Variants in HUWE1 observed in about 807,000 individuals in gnomAD.
HUWE1 encodes the protein E3 ubiquitin-protein ligase HUWE1.
A neutral mutation model predicts 299.4 loss-of-function variants in HUWE1; 18 were observed. The observed-to-expected ratio is 0.06, with a 90% CI of 0.04 to 0.09. The LOEUF is 0.09. HUWE1 is among the 10% of genes least tolerant of loss of function. The pLI, the probability that HUWE1 is intolerant of heterozygous loss-of-function variation, is 1.00. For missense variants in HUWE1, 1,832 were observed against 3,462.3 expected (o/e 0.53, Z 11.82); for synonymous variants, 1,317 against 1,286.1 (o/e 1.02, Z -0.51).
At chrX:53,539,457 A>T (rs1405729472) in intron 75 of HUWE1, among the ~76,000 whole-genome samples, 200 bp downstream of exon 75, 4 of 111,936 alleles carry the variant, frequency 3.6e-5, no homozygotes, top group Non-Finnish European at 7.5e-5. Context: ...CCTTGTCTAT[A>T]AAGTGAAAGA....
intron 18 of HUWE1, among the ~76,000 whole-genome samples, chrX:53,624,892 T>G (rs781914692): frequency 9.0e-6 from 1 of 111,589 alleles, no homozygotes; most frequent in Admixed American, 9.5e-5. Context: ...CACAAACACT[T>G]AAGAGTCAGA....
chrX:53,590,520 C>G (rs2064098332), intron 34 of HUWE1, 21 bp from the exon 35 acceptor site: 5 of 1,096,601 alleles, frequency 4.6e-6, no homozygotes, highest in South Asian at 1.8e-5. Flanking sequence ...AAGAGAATAT[C>G]CAGTAAGGAT....
chrX:53,567,120 G>T (rs897796569), intron 49 of HUWE1, among the ~76,000 whole-genome samples: 1 of 111,775 alleles, frequency 8.9e-6, no homozygotes, highest in Non-Finnish European at 1.9e-5. Flanking sequence ...AGGAATATTT[G>T]TTCTTAGGAG....
intron 2 of HUWE1, among the ~76,000 whole-genome samples, chrX:53,681,438 A>AG (rs1557053357): frequency 9.1e-6 from 1 of 110,198 alleles, no homozygotes; most frequent in East Asian, 2.8e-4. Flanking sequence ...CTTAAAAAAA[A>AG]AAAAAAAAAA....
rs782469289 is a variant in HUWE1, at chrX:53,652,356, A to G, written c.45+1707T>C. Among the ~76,000 whole-genome samples the G allele has an allele frequency of 3.6e-5, 4 of 112,056 alleles. No homozygotes were observed. The South Asian group carries it at 1.5e-3, about 41-fold the overall frequency. ...TGGTTTATCTAAAATTTATCGCAAT[A>G]TAATAGTCCCACATGCTCTACAAGA... On this transcript the variant is annotated intron_variant, in intron 4 of 83. Transcript: ENST00000262854.
intron 27 of HUWE1, among the ~76,000 whole-genome samples, 186 bp from the exon 28 acceptor site, chrX:53,602,844 T>C (rs1206989428): frequency 3.8e-5 from 4 of 104,517 alleles, no homozygotes; most frequent in Non-Finnish European, 7.8e-5. Context: ...TTTCCAATTC[T>C]TTTTTTTTTC....
chrX:53,578,245 C>T lies in HUWE1; in HGVS notation c.5717-1178G>A, dbSNP rs2063292747. Among the ~76,000 whole-genome samples the T allele has an allele frequency of 2.7e-5, 3 of 109,524 alleles. No individual in the cohort carries two copies. In the Admixed American group the frequency reaches 2.8e-4, roughly 10 times the overall value. The stretch of plus-strand genomic sequence containing the variant: ...TCTGGGAGGTGAGGAGCGTCTCTGC[C>T]CGGCCGCCGCCCCGTCTGAGAAGTG... On this transcript the variant is annotated intron_variant, in intron 43 of 83. Transcript: ENST00000262854.
At chrX:53,580,248 A>C (rs1457226867) in intron 43 of HUWE1, among the ~76,000 whole-genome samples, 1 of 111,994 alleles carries the variant, frequency 8.9e-6, no homozygotes, top group Non-Finnish European at 1.9e-5. Flanking sequence ...AAATTTCTCC[A>C]AATCTTTTAT....
At chrX:53,582,142 A>G (rs2063650434) in intron 42 of HUWE1, among the ~76,000 whole-genome samples, 1 of 112,174 alleles carries the variant, frequency 8.9e-6, no homozygotes, top group African/African-American at 3.2e-5. Context: ...CCACACCCCA[A>G]CTATAATTTA....
At chrX:53,612,690 T>TA (rs2065555361) in intron 23 of HUWE1, among the ~76,000 whole-genome samples, 1 of 111,238 alleles carries the variant, frequency 9.0e-6, no homozygotes, top group East Asian at 2.8e-4. Flanking sequence ...CATTTGGAGG[T>TA]AAAAAACCAA....
At chrX:53,595,462 C>T (rs2064405243) in intron 29 of HUWE1, 59 bp from the exon 30 acceptor site, 2 of 889,123 alleles carry the variant, frequency 2.2e-6, no homozygotes, top group African/African-American at 2.0e-5. Context: ...TTAATTACAA[C>T]AGACATATTA....
chrX:53,587,473 T>A (rs917115950), intron 37 of HUWE1, among the ~76,000 whole-genome samples: 1 of 112,346 alleles, frequency 8.9e-6, no homozygotes, highest in Non-Finnish European at 1.9e-5. Flanking sequence ...ATAGTCATAA[T>A]ACTTAACAAA....
intron 56 of HUWE1, 92 bp downstream of exon 56, chrX:53,560,096 T>C (rs1302053419): frequency 4.1e-6 from 3 of 725,151 alleles, no homozygotes; most frequent in Non-Finnish European, 6.3e-6. Flanking sequence ...CATTAAGTGA[T>C]GGACTATTTC....
chrX:53,578,246 C>T (rs1319937983), intron 43 of HUWE1, among the ~76,000 whole-genome samples: 1 of 108,020 alleles, frequency 9.3e-6, no homozygotes, highest in East Asian at 3.0e-4. Context: ...CGTCTCTGCC[C>T]GGCCGCCGCC....
At chrX:53,673,138 T>C (rs1261609799) in intron 3 of HUWE1, among the ~76,000 whole-genome samples, 4 of 111,630 alleles carry the variant, frequency 3.6e-5, no homozygotes, top group Non-Finnish European at 7.5e-5. Context: ...TATTTAATAA[T>C]AGGTTTTTGT....
intron 47 of HUWE1, 55 bp downstream of exon 47, chrX:53,573,695 T>G: frequency 1.0e-6 from 1 of 995,973 alleles, no homozygotes; most frequent in African/African-American, 1.9e-5. Flanking sequence ...ACACAGGCGG[T>G]ACCCAAATGA....
chrX:53,614,276 A>G (rs782465390), intron 23 of HUWE1, among the ~76,000 whole-genome samples: 7 of 111,446 alleles, frequency 6.3e-5, no homozygotes, highest in Non-Finnish European at 1.9e-5. Context: ...AAAAAAATCA[A>G]TAAAAATTAA....
At chrX:53,679,358 T>A in intron 3 of HUWE1, among the ~76,000 whole-genome samples, 1 of 112,630 alleles carries the variant, frequency 8.9e-6, no homozygotes, top group Non-Finnish European at 1.9e-5. Flanking sequence ...ATCTGTTAAT[T>A]TTTTCAGTTG....
Position 53,538,446 on chromosome X carries a change from G to A in HUWE1, c.11887C>T (p.Arg3963Cys). Reference sequence around the variant, plus strand: ...CGTAGGATCTGGTTTAACACAGTGCGGTGAGTCTCTGAGGGGAGAAGTGAC... The same window carrying A: ...CGTAGGATCTGGTTTAACACAGTGCAGTGAGTCTCTGAGGGGAGAAGTGAC... The part of the protein sequence containing the change: ...QKFLRFAETH[R>C]TVLNQILRQS... The change falls in exon 77 of 84, where the codon CGC becomes TGC. Residue 3963 changes from arginine (R) to cysteine (C), a missense_variant. By Grantham distance (180) the Arg-to-Cys change is radical. Coordinates refer to ENST00000262854, the MANE Select transcript of HUWE1 (RefSeq NM_031407.7). The A allele has an allele frequency of 8.4e-7, 1 of 1,190,709 alleles. No individual in the cohort carries two copies. The highest frequency in any genetic ancestry group is 1.1e-6 in the Non-Finnish European group (1 of 876,680).
Sources: allele counts gnomAD v4.1 joint callset (sites outside exome capture counted in the v4.1 genomes callset), GRCh38; gene constraint gnomAD v4.1.1; transcripts MANE v1.5; gene names NCBI Gene and HGNC (gene_info 2026-07-23, HGNC 2026-07-21).